Variants in MYOF observed in about 807,000 individuals in gnomAD.
MYOF encodes the protein fer-1-like 3, myoferlin.
MYOF carries 244 observed loss-of-function variants against 284.2 expected under a neutral mutation model. The ratio of observed to expected loss-of-function variants is 0.86; its 90% CI spans 0.77 to 0.95. The LOEUF (loss-of-function observed/expected upper bound fraction) is 0.95, where lower values mean the gene tolerates loss of function less well. MYOF is among the 40% of genes least tolerant of loss of function. MYOF has a pLI of 0.00. For synonymous variants in MYOF, 904 were observed against 919.7 expected (o/e 0.98, Z 0.31); for missense variants, 2,496 against 2,560.6 (o/e 0.97, Z 0.54).
chr10:93,391,686 T>C (rs1199054821), intron 17 of MYOF, among the ~76,000 whole-genome samples: 1 of 152,190 alleles, frequency 6.6e-6, no homozygotes, highest in East Asian at 1.9e-4. Flanking sequence ...GTCCGTTTAA[T>C]GCACAGTGGA....
chr10:93,337,543 T>C (rs965409453), intron 40 of MYOF: 1 of 385,936 alleles, frequency 2.6e-6, no homozygotes, highest in Non-Finnish European at 4.6e-6. Flanking sequence ...GCCTAATTAG[T>C]GTGGTGCCAG....
chr10:93,447,796 G>A (rs1013905422), intron 3 of MYOF, among the ~76,000 whole-genome samples: 2 of 152,082 alleles, frequency 1.3e-5, no homozygotes, highest in African/African-American at 4.8e-5. Context: ...TGACGGTGGG[G>A]GGCTGACCTC....
rs369597612 is a variant in MYOF at position 93,397,255 on chromosome 10, T to A, written c.1326A>T (p.Ile442=). The change falls in exon 15 of 54, where the codon ATA becomes ATT. Residue 442 remains isoleucine (I), a synonymous_variant. Transcript: ENST00000359263. ...PSVCEKIKLT[I]YDWDRLTKND... ...ACGTATTTTCAACTCACCAGTCATATATTGTTAGTTTTATTTTTTCACACA... is the reference window on the plus strand; with the variant it reads ...ACGTATTTTCAACTCACCAGTCATAAATTGTTAGTTTTATTTTTTCACACA... 4 of 1,591,838 alleles carry A rather than the reference T, an allele frequency of 2.5e-6. No individual in the cohort carries two copies. Among genetic ancestry groups the A allele is most frequent in the Middle Eastern group, 2.2e-4 (1 of 4,486 alleles).
intron 16 of MYOF, among the ~76,000 whole-genome samples, chr10:93,394,246 CA>C (rs1395275089): frequency 2.6e-5 from 4 of 151,090 alleles, no homozygotes; most frequent in African/African-American, 4.9e-5. Context: ...GGATTACAGA[CA>C]CCTGCCACCA....
chr10:93,393,733 A>G (rs1846814137), intron 16 of MYOF, among the ~76,000 whole-genome samples: 1 of 152,144 alleles, frequency 6.6e-6, no homozygotes, highest in African/African-American at 2.4e-5. Context: ...TCATATTTAG[A>G]TTCCTGACTT....
At chr10:93,426,937 G>A (rs1410708416) in intron 4 of MYOF, among the ~76,000 whole-genome samples, 2 of 143,658 alleles carry the variant, frequency 1.4e-5, no homozygotes, top group Non-Finnish European at 3.0e-5. Flanking sequence ...GCCCAGGCTG[G>A]AGTGCAGGGC....
At chr10:93,366,939 A>G (rs1845353061) in intron 25 of MYOF, among the ~76,000 whole-genome samples, 1 of 152,200 alleles carries the variant, frequency 6.6e-6, no homozygotes, top group African/African-American at 2.4e-5. Flanking sequence ...TACCTATGAA[A>G]GTCCTCAGCT....
chr10:93,452,610 T>C (rs986897051), intron 2 of MYOF, among the ~76,000 whole-genome samples: 2 of 150,162 alleles, frequency 1.3e-5, no homozygotes, highest in East Asian at 2.0e-4. Flanking sequence ...ATGTAAATGA[T>C]GAGTTAATGG....
intron 19 of MYOF, among the ~76,000 whole-genome samples, chr10:93,385,563 T>G (rs1589480132): frequency 6.6e-6 from 1 of 152,216 alleles, no homozygotes; most frequent in African/African-American, 2.4e-5. Flanking sequence ...TTCTGGCAGG[T>G]GCACAGATCT....
intron 38 of MYOF, 135 bp from the exon 39 acceptor site, chr10:93,340,299 A>G (rs943754823): frequency 2.5e-6 from 2 of 808,916 alleles, no homozygotes; most frequent in Non-Finnish European, 2.0e-6. Flanking sequence ...TATTATCAAC[A>G]TTTCAATGGG....
chr10:93,333,762 C>T lies in MYOF; in HGVS notation c.4715G>A (p.Gly1572Asp). 6.2e-7 allele frequency: 1 copy of T among 1,614,086 alleles called. No homozygotes were observed. The highest frequency in any genetic ancestry group is 1.3e-5 in the African/African-American group (1 of 75,046). Residue 1572 changes from glycine (G) to aspartate (D), a missense_variant, in exon 42 of 54, where the codon GGC (glycine) becomes GAC (aspartate). Physicochemically the swap from Gly to Asp is moderately conservative, Grantham distance 94. Coordinates refer to ENST00000359263, the MANE Select transcript of MYOF (RefSeq NM_013451.4). Reference protein sequence around the residue: ...GLELQPQDNNGLCDPYIKITL... With the variant: ...GLELQPQDNNDLCDPYIKITL... ...GCCCCACACCCAAACTCTTACCAGG[C>T]CATTGTTGTCCTGGGGCTGGAGCTC...
intron 1 of MYOF, among the ~76,000 whole-genome samples, chr10:93,460,455 T>C (rs537415841): frequency 3.7e-4 from 57 of 152,152 alleles, no homozygotes; most frequent in Non-Finnish European, 6.6e-4. Flanking sequence ...GTAAGATAAT[T>C]CTTAGTCTTA....
At chr10:93,459,607 T>G (rs1044348192) in intron 1 of MYOF, among the ~76,000 whole-genome samples, 9 of 152,212 alleles carry the variant, frequency 5.9e-5, no homozygotes, top group African/African-American at 1.9e-4. Flanking sequence ...AGTGCCTTAT[T>G]GGAAGCTGTC....
intron 17 of MYOF, among the ~76,000 whole-genome samples, chr10:93,389,702 C>A (rs540501848): frequency 6.6e-6 from 1 of 152,204 alleles, no homozygotes; most frequent in South Asian, 2.1e-4. Context: ...CATGAAGATT[C>A]CCATTCATTG....
Position 93,349,841 on chromosome 10 carries a change from G to A in MYOF, c.4050C>T (p.Pro1350=). 1.2e-6 allele frequency: 2 copies of A among 1,614,026 alleles called. No homozygotes were observed. Residue 1350 remains proline, a synonymous_variant, in exon 36 of 54, where the codon CCC becomes CCT. Transcript: ENST00000359263. The part of the protein sequence containing the change: ...SVVIKNLKKT[P]NFPSSVLFMK... ...TGAAGAGAACAGAACTTGGAAAGTTGGGTGTCTTCTTAAGGTTTTTGATCA... is the reference window on the plus strand; with the variant it reads ...TGAAGAGAACAGAACTTGGAAAGTTAGGTGTCTTCTTAAGGTTTTTGATCA...
chr10:93,356,987 G>A, intron 29 of MYOF, 139 bp from the exon 30 acceptor site: 1 of 917,752 alleles, frequency 1.1e-6, no homozygotes, highest in Non-Finnish European at 1.6e-6. Context: ...CTAGAGTCAG[G>A]AATACAGAAA....
In MYOF at chr10:93,337,809, A is replaced by C; in HGVS notation, c.4437+6T>G. The C allele has an allele frequency of 6.2e-7, 1 of 1,608,820 alleles. No individual in the cohort carries two copies. Among genetic ancestry groups the C allele is most frequent in the Non-Finnish European group, 8.5e-7 (1 of 1,175,274 alleles). ...TCTCCACCCATAGCAGCATAGATCC[A>C]GGTACCTTGAGCTTGGAATAGCCTT... On this transcript the variant is annotated splice_donor_region_variant and intron_variant, in intron 40 of 53. Transcript: ENST00000359263.
chr10:93,350,937 T>C (rs1360118181), intron 35 of MYOF, among the ~76,000 whole-genome samples: 3 of 152,150 alleles, frequency 2.0e-5, no homozygotes, highest in Non-Finnish European at 2.9e-5. Context: ...AGGTCTCCAG[T>C]TGACCTGAAA....
At chr10:93,416,735 C>T (rs1848139042) in intron 5 of MYOF, among the ~76,000 whole-genome samples, 1 of 151,490 alleles carries the variant, frequency 6.6e-6, no homozygotes, top group South Asian at 2.1e-4. Context: ...GTAGCTGGGA[C>T]TATAGGCGCA....
Sources: gnomAD v4.1 joint callset for allele counts (sites outside exome capture counted in the v4.1 genomes callset) on GRCh38, gnomAD v4.1.1 for gene constraint, MANE v1.5 for transcripts, NCBI Gene and HGNC (gene_info 2026-07-23, HGNC 2026-07-21) for gene names.